The following HOMER2 variants were observed in gnomAD, a reference collection of about 807,000 sequenced individuals.
The protein encoded by HOMER2 is homer scaffold protein 2.
In HOMER2, 27 loss-of-function variants were observed where a neutral mutation model predicts 47.0. That is an observed-to-expected ratio of 0.57 (90% confidence interval 0.42 to 0.79). The LOEUF (loss-of-function observed/expected upper bound fraction) is 0.79. HOMER2 is among the 30% of genes least tolerant of loss of function. The pLI is 0.00. For missense variants in HOMER2, 443 were observed against 435.0 expected, an observed-to-expected ratio of 1.02 and a Z score of -0.16; for synonymous variants, 161 against 163.8, an observed-to-expected ratio of 0.98 and a Z score of 0.13.
chr15:82,853,578 A>G (rs1441067350), intron 6 of HOMER2, among the ~76,000 whole-genome samples: 3 of 152,178 alleles, frequency 2.0e-5, no homozygotes, highest in African/African-American at 4.8e-5. Context: ...TCTAAATGGG[A>G]CCTGTCCCCC....
chr15:82,904,675 A>G (rs2053235541), intron 1 of HOMER2, among the ~76,000 whole-genome samples: 1 of 152,144 alleles, frequency 6.6e-6, no homozygotes, highest in Admixed American at 6.5e-5. Flanking sequence ...ATCCTGTCCT[A>G]CTTAAGCGGA....
intron 1 of HOMER2, among the ~76,000 whole-genome samples, chr15:82,959,770 T>C (rs1266484976): frequency 6.6e-6 from 1 of 152,114 alleles, no homozygotes; most frequent in Non-Finnish European, 1.5e-5. Flanking sequence ...GTAGGTGTGA[T>C]ACCCAGAGCC....
chr15:82,915,195 T>C (rs563181326), intron 1 of HOMER2, among the ~76,000 whole-genome samples: 1 of 152,016 alleles, frequency 6.6e-6, no homozygotes, highest in East Asian at 1.9e-4. Flanking sequence ...GTGATGATGG[T>C]TGTAGAACAG....
chr15:82,937,341 G>T (rs540852053), intron 1 of HOMER2, among the ~76,000 whole-genome samples: 1 of 152,310 alleles, frequency 6.6e-6, no homozygotes, highest in Non-Finnish European at 1.5e-5. Flanking sequence ...GTTATGGTTT[G>T]GTTTCTCTGA....
intron 1 of HOMER2, among the ~76,000 whole-genome samples, chr15:82,910,033 T>C (rs944532572): frequency 6.9e-6 from 1 of 145,572 alleles, no homozygotes; most frequent in African/African-American, 2.6e-5. Flanking sequence ...CTCAGGAGGC[T>C]GAGGCAGGAG....
rs969113862 is a variant in HOMER2, at chr15:82,951,161, T to C, written c.5+1370A>G. On this transcript the variant is annotated intron_variant, in intron 1 of 8. Coordinates refer to ENST00000450735, the MANE Select transcript of HOMER2 (RefSeq NM_004839.4). ...TACGGCCTGCCAACTTGGGTGCCTCTGGGTAAAATCACCCACAGTTGCTGT... is the reference window on the plus strand; with the variant it reads ...TACGGCCTGCCAACTTGGGTGCCTCCGGGTAAAATCACCCACAGTTGCTGT... Among the ~76,000 whole-genome samples the C allele has an allele frequency of 5.4e-4, 82 of 152,204 alleles. 1 individual carries two copies. Among genetic ancestry groups the C allele is most frequent in the African/African-American group, 1.9e-3 (78 of 41,454 alleles).
At chr15:82,930,263 G>A (rs1424627937) in intron 1 of HOMER2, among the ~76,000 whole-genome samples, 7 of 152,152 alleles carry the variant, frequency 4.6e-5, no homozygotes, top group African/African-American at 1.7e-4. Flanking sequence ...TCCATAAAAT[G>A]TGAAGCTCAA....
chr15:82,862,390 G>C (rs1263455908), intron 4 of HOMER2, among the ~76,000 whole-genome samples: 1 of 152,192 alleles, frequency 6.6e-6, no homozygotes, highest in African/African-American at 2.4e-5. Flanking sequence ...CTACCTGGGA[G>C]GCCAAGGCAG....
At chr15:82,840,174 TTAAG>T (rs1472468641) in exon 2 of HOMER2, 5 of 152,030 alleles carry the variant, frequency 3.3e-5, no homozygotes, top group African/African-American at 1.2e-4. Context: ...CTGTCTTTTA[TTAAG>T]TAAGAAAAAG....
chr15:82,853,527 G>A (rs1052109158), intron 6 of HOMER2, among the ~76,000 whole-genome samples: 1 of 152,178 alleles, frequency 6.6e-6, no homozygotes, highest in African/African-American at 2.4e-5. Flanking sequence ...AGGTCGGGCA[G>A]GGCAGGGGAG....
chr15:82,979,728 A>C (rs1273675449), intron 1 of HOMER2, among the ~76,000 whole-genome samples: 1 of 152,206 alleles, frequency 6.6e-6, no homozygotes, highest in Non-Finnish European at 1.5e-5. Flanking sequence ...GATGGCTGCT[A>C]GGTTTCTGGC....
intron 1 of HOMER2, among the ~76,000 whole-genome samples, chr15:82,967,234 G>A (rs2054682517): frequency 6.6e-6 from 1 of 152,096 alleles, no homozygotes. Flanking sequence ...CTGGGTGACA[G>A]AGGGAGACCC....
chr15:82,934,316 C>G (rs2054089927), intron 1 of HOMER2, among the ~76,000 whole-genome samples: 1 of 152,100 alleles, frequency 6.6e-6, no homozygotes, highest in African/African-American at 2.4e-5. Flanking sequence ...TTCCGCCCAC[C>G]ACCTGTCACC....
In HOMER2 at chr15:82,914,103, G is replaced by A. The variant is rs573436021; in HGVS notation, c.6-21262C>T. Among the ~76,000 whole-genome samples the A allele has an allele frequency of 1.1e-3, 172 of 152,112 alleles. 1 individual carries two copies. The highest frequency in any genetic ancestry group is 6.0e-3 in the South Asian group (29 of 4,814). On this transcript the variant is annotated intron_variant, in intron 1 of 8. Coordinates refer to ENST00000450735, the MANE Select transcript of HOMER2 (RefSeq NM_004839.4). The stretch of plus-strand genomic sequence containing the variant: ...CTGTAATCCCAGACTTTGGGAGGCT[G>A]AGCCGGGCAGATCACGAGGTCAGGA...
chr15:82,857,384 T>C (rs1459502517), intron 5 of HOMER2, among the ~76,000 whole-genome samples: 3 of 151,780 alleles, frequency 2.0e-5, no homozygotes, highest in African/African-American at 4.8e-5. Context: ...TATTTTGTTA[T>C]AGCAGCCTGA....
chr15:82,921,805 A>G (rs1349404103), intron 1 of HOMER2, among the ~76,000 whole-genome samples: 2 of 152,164 alleles, frequency 1.3e-5, no homozygotes, highest in Non-Finnish European at 2.9e-5. Context: ...CCTCTGTGCT[A>G]TATTTCTGAC....
intron 1 of HOMER2, among the ~76,000 whole-genome samples, chr15:82,932,793 T>C (rs1265786700): frequency 1.3e-5 from 2 of 152,112 alleles, no homozygotes; most frequent in African/African-American, 2.4e-5. Context: ...AGAACAAGGT[T>C]TGGACAAAGC....
chr15:82,925,226 C>T (rs2053825805), intron 1 of HOMER2, among the ~76,000 whole-genome samples: 1 of 152,208 alleles, frequency 6.6e-6, no homozygotes, highest in Non-Finnish European at 1.5e-5. Flanking sequence ...CAGGTTCCAG[C>T]CCAAGGTTTC....
chr15:82,921,232 G>A (rs1236681087), intron 1 of HOMER2, among the ~76,000 whole-genome samples: 3 of 152,148 alleles, frequency 2.0e-5, no homozygotes, highest in Admixed American at 2.0e-4. Context: ...AGGTTGCAGT[G>A]AGCCAAGATC....
Sources: allele counts gnomAD v4.1 joint callset (sites outside exome capture counted in the v4.1 genomes callset), GRCh38; gene constraint gnomAD v4.1.1; transcripts MANE v1.5; gene names NCBI Gene and HGNC (gene_info 2026-07-23, HGNC 2026-07-21).